The following PLEKHA6 variants were observed in gnomAD, a reference collection of about 807,000 sequenced individuals.
The protein encoded by PLEKHA6 is pleckstrin homology domain containing A6.
Under a neutral mutation model 116.7 loss-of-function variants are expected in PLEKHA6, and 60 were observed. The ratio of observed to expected loss-of-function variants is 0.51; its 90% CI spans 0.42 to 0.64. The LOEUF (loss-of-function observed/expected upper bound fraction) is 0.64, where lower values mean the gene tolerates loss of function less well. Among genes scored for constraint, PLEKHA6 ranks in the 30% least tolerant of loss-of-function variants. PLEKHA6 has a pLI of 0.00. For synonymous variants in PLEKHA6, 489 were observed against 556.1 expected (o/e 0.88, Z 1.70); for missense variants, 1,338 against 1,422.7 (o/e 0.94, Z 0.96).
In PLEKHA6 at chr1:204,322,800, C is replaced by T. The variant is rs373001471; in HGVS notation, c.-95+36894G>A. On this transcript the variant is annotated intron_variant, in intron 1 of 22. Coordinates refer to ENST00000272203, the MANE Select transcript of PLEKHA6 (RefSeq NM_014935.5). ...GCTACTGCCCATGTAAACTCCTATC[C>T]TACTCCTTTTATTCTGGGGACCACT... Among the ~76,000 whole-genome samples, 270 of 152,306 alleles carry T rather than the reference C, an allele frequency of 1.8e-3. 6 individuals carry two copies. The South Asian group carries it at 0.051, about 29-fold the overall frequency.
chr1:204,254,182 A>G (rs1482069592), intron 9 of PLEKHA6, among the ~76,000 whole-genome samples: 1 of 152,210 alleles, frequency 6.6e-6, no homozygotes, highest in Non-Finnish European at 1.5e-5. Flanking sequence ...GGCCCTGCTC[A>G]GAGTTGGAAT....
intron 17 of PLEKHA6, 85 bp from the exon 18 acceptor site, chr1:204,230,671 T>A: frequency 8.3e-7 from 1 of 1,206,780 alleles, no homozygotes; most frequent in African/African-American, 1.5e-5. Context: ...ATTTACCTTC[T>A]ACGGGAAGTC....
chr1:204,229,073 T>C lies in PLEKHA6; in HGVS notation c.2615A>G (p.Asp872Gly), dbSNP rs756815060. 12 of 1,613,754 alleles carry C rather than the reference T, an allele frequency of 7.4e-6. No individual in the cohort carries two copies. Among genetic ancestry groups the C allele is most frequent in the African/African-American group, 1.3e-5 (1 of 74,916 alleles). The change falls in exon 19 of 23, where the codon GAC becomes GGC. Residue 872 changes from aspartate to glycine, a missense_variant. This residue lies in a region of PLEKHA6 where 1,136 missense variants were observed against 1,163.6 expected (regional missense o/e 0.98). Coordinates refer to ENST00000272203, the MANE Select transcript of PLEKHA6 (RefSeq NM_014935.5). Reference protein sequence around the residue: ...VRRHRSIHEVDISNLEAALRA... With the variant: ...VRRHRSIHEVGISNLEAALRA... ...CAGGGCTGCCTCCAGGTTGGAGATG[T>C]CTACCTCATGGATGCTGCGGTGGCG...
At chr1:204,348,129 G>A (rs1375213850) in intron 1 of PLEKHA6, among the ~76,000 whole-genome samples, 1 of 152,178 alleles carries the variant, frequency 6.6e-6, no homozygotes, top group African/African-American at 2.4e-5. Flanking sequence ...CAAATCAAGA[G>A]CCTGGACAAG....
upstream of PLEKHA6, chr1:204,377,744 C>G (rs1673895714): frequency 6.6e-6 from 1 of 152,144 alleles, no homozygotes; most frequent in South Asian, 2.1e-4. Flanking sequence ...CCGGGAACCC[C>G]CACTTGCTGC....
intron 1 of PLEKHA6, chr1:204,301,219 G>C: frequency 2.0e-6 from 2 of 983,754 alleles, no homozygotes; most frequent in Non-Finnish European, 1.2e-6. Flanking sequence ...GAAGACAGGA[G>C]TTTCAGCAGA....
At chr1:204,256,099 G>A (rs1462102561) in intron 9 of PLEKHA6, among the ~76,000 whole-genome samples, 2 of 152,208 alleles carry the variant, frequency 1.3e-5, no homozygotes, top group African/African-American at 4.8e-5. Flanking sequence ...CAGACAGAGA[G>A]GGGAAGGAGC....
intron 1 of PLEKHA6, among the ~76,000 whole-genome samples, chr1:204,326,514 C>T (rs1431968016): frequency 4.6e-5 from 7 of 152,204 alleles, no homozygotes; most frequent in Non-Finnish European, 1.0e-4. Context: ...ACCTCCCAAA[C>T]CCAAGTGAGC....
intron 1 of PLEKHA6, among the ~76,000 whole-genome samples, chr1:204,286,466 G>C (rs1364417463): frequency 6.6e-6 from 1 of 152,162 alleles, no homozygotes; most frequent in Non-Finnish European, 1.5e-5. Flanking sequence ...ACAGGTGCCA[G>C]CCGGGACAGA....
At chr1:204,235,306 T>C (rs1182755368) in intron 17 of PLEKHA6, among the ~76,000 whole-genome samples, 1 of 152,092 alleles carries the variant, frequency 6.6e-6, no homozygotes, top group African/African-American at 2.4e-5. Flanking sequence ...TCACGGTTCA[T>C]TGAGAGGCAA....
chr1:204,263,365 G>T (rs1666376335), intron 6 of PLEKHA6, among the ~76,000 whole-genome samples: 1 of 152,210 alleles, frequency 6.6e-6, no homozygotes, highest in Non-Finnish European at 1.5e-5. Flanking sequence ...GGTAGCCTGG[G>T]CAGGAACAGT....
chr1:204,253,939 G>A (rs1235848204), intron 9 of PLEKHA6, among the ~76,000 whole-genome samples: 1 of 152,174 alleles, frequency 6.6e-6, no homozygotes, highest in African/African-American at 2.4e-5. Context: ...GAAGCCCCTA[G>A]CCTAATGGAC....
At chr1:204,229,654 A>G (rs1412134677) in intron 18 of PLEKHA6, among the ~76,000 whole-genome samples, 3 of 152,268 alleles carry the variant, frequency 2.0e-5, no homozygotes, top group East Asian at 3.9e-4. Flanking sequence ...GTCTCAAACA[A>G]TCTTCCCACC....
At position 204,238,515 on chromosome 1, in the gene PLEKHA6, T is replaced by C. The variant is rs1662374563; in HGVS notation, c.2409+2860A>G. Among the ~76,000 whole-genome samples, 1 of 152,164 alleles carries C rather than the reference T, an allele frequency of 6.6e-6. No individual in the cohort carries two copies. The highest frequency in any genetic ancestry group is 2.1e-4 in the South Asian group (1 of 4,818). On this transcript the variant is annotated intron_variant, in intron 17 of 22. Coordinates refer to ENST00000272203, the MANE Select transcript of PLEKHA6 (RefSeq NM_014935.5). This position sits in a 1 kb window ranked among gnomAD's most constrained non-coding sequence, Gnocchi z 4.2. Reference sequence around the variant, plus strand: ...CATGAACAGGGTGCTTTCTGACCCATCTAGCCATAAAGTGGGTGGTGCACA... The same window carrying C: ...CATGAACAGGGTGCTTTCTGACCCACCTAGCCATAAAGTGGGTGGTGCACA...
chr1:204,337,073 G>A lies in PLEKHA6; in HGVS notation c.-95+22621C>T, dbSNP rs529840120. 2.6e-5 allele frequency among the ~76,000 whole-genome samples: 4 copies of A among 152,340 alleles called. No individual in the cohort carries two copies. In the South Asian group the frequency reaches 8.3e-4, roughly 32 times the overall value. ...CCAGACTTTTCAGTTTGAACCCTTG[G>A]AGGGAAGGGTATGAGAAGAGTTAAG... On this transcript the variant is annotated intron_variant, in intron 1 of 22. Coordinates refer to ENST00000272203, the MANE Select transcript of PLEKHA6 (RefSeq NM_014935.5).
At chr1:204,326,903 G>T in intron 1 of PLEKHA6, 2 of 764,888 alleles carry the variant, frequency 2.6e-6, no homozygotes, top group Non-Finnish European at 3.2e-6. Context: ...ATCCAAATAG[G>T]GTGAGGAACT....
At chr1:204,242,716 G>A (rs1394204390) in intron 15 of PLEKHA6, among the ~76,000 whole-genome samples, 2 of 152,246 alleles carry the variant, frequency 1.3e-5, no homozygotes, top group African/African-American at 2.4e-5. Flanking sequence ...GAGGCAGAGA[G>A]ACAGCATGGG....
At chr1:204,302,892 G>GAAAAAGAA (rs1321624136) in intron 1 of PLEKHA6, among the ~76,000 whole-genome samples, 1 of 151,844 alleles carries the variant, frequency 6.6e-6, no homozygotes, top group African/African-American at 2.4e-5. Context: ...AAAAGAAAAA[G>GAAAAAGAA]AAAAAGAAAA....
chr1:204,266,506 G>A (rs572798160), intron 5 of PLEKHA6, among the ~76,000 whole-genome samples: 36 of 152,252 alleles, frequency 2.4e-4, no homozygotes, highest in South Asian at 1.7e-3. Flanking sequence ...TCAGCACCTC[G>A]GTCCTGGGCC....
Sources: gnomAD v4.1 joint callset for allele counts (sites outside exome capture counted in the v4.1 genomes callset) on GRCh38, gnomAD v4.1.1 for gene constraint, gnomAD v4.1.1 regional missense constraint, Gnocchi (gnomAD v3.1) non-coding constraint, MANE v1.5 for transcripts, NCBI Gene and HGNC (gene_info 2026-07-23, HGNC 2026-07-21) for gene names.